Variants in LRMDA observed in about 807,000 individuals in gnomAD.
LRMDA encodes the protein leucine rich melanocyte differentiation associated, also known as leucine-rich melanocyte differentiation-associated protein.
A neutral mutation model predicts 29.8 loss-of-function variants in LRMDA; 18 were observed. The ratio of observed to expected loss-of-function variants is 0.60; its 90% CI spans 0.42 to 0.90. LRMDA has a LOEUF of 0.90. Among genes scored for constraint, LRMDA ranks in the 40% least tolerant of loss-of-function variants. LRMDA has a pLI of 0.00. For missense variants in LRMDA, 273 were observed against 273.9 expected, an observed-to-expected ratio of 1.00 and a Z score of 0.02; for synonymous variants, 125 against 109.4, an observed-to-expected ratio of 1.14 and a Z score of -0.89.
At chr10:76,052,419 GA>G (rs1848544730) in intron 4 of LRMDA, among the ~76,000 whole-genome samples, 1 of 151,922 alleles carries the variant, frequency 6.6e-6, no homozygotes, top group South Asian at 2.1e-4. Flanking sequence ...TGTTCCTGGG[GA>G]GCAGCCATTG....
At chr10:76,457,941 C>T (rs1024918576) in intron 6 of LRMDA, among the ~76,000 whole-genome samples, 2 of 151,998 alleles carry the variant, frequency 1.3e-5, no homozygotes, top group African/African-American at 4.8e-5. Flanking sequence ...GATAAATATT[C>T]TAGACTTAAT....
At chr10:75,493,353 GTGTGTGTGTGT>G (rs1564785197) in intron 2 of LRMDA, among the ~76,000 whole-genome samples, 1 of 147,822 alleles carries the variant, frequency 6.8e-6, no homozygotes, top group Non-Finnish European at 1.5e-5. Context: ...GATTGGGTGT[GTGTGTGTGTGT>G]GTGTGTGTGT....
intron 5 of LRMDA, among the ~76,000 whole-genome samples, chr10:76,209,260 T>G (rs892601525): frequency 6.6e-6 from 1 of 152,188 alleles, no homozygotes; most frequent in Non-Finnish European, 1.5e-5. Flanking sequence ...TGTGCTTCCG[T>G]GCCTCTGAGC....
chr10:76,487,647 C>A (rs1589212343), intron 6 of LRMDA, among the ~76,000 whole-genome samples: 1 of 151,782 alleles, frequency 6.6e-6, no homozygotes, highest in East Asian at 1.9e-4. Context: ...GACACACCTT[C>A]CAAGAATTTA....
chr10:76,058,664 A>G lies in LRMDA; in HGVS notation c.399-2A>G, dbSNP rs1231532626. On this transcript the variant is annotated splice_acceptor_variant, in intron 4 of 6. Coordinates refer to ENST00000611255, the MANE Select transcript of LRMDA (RefSeq NM_001305581.2). LOFTEE classifies it high-confidence loss of function. ...GAGTTGTCTCTGACTCTTATCTTCC[A>G]GATGCTTTGTTCTGTACAAGCTGCC... 1.2e-6 allele frequency: 2 copies of G among 1,611,036 alleles called. No individual in the cohort carries two copies. Among genetic ancestry groups the G allele is most frequent in the African/African-American group, 2.7e-5 (2 of 74,868 alleles).
intron 6 of LRMDA, among the ~76,000 whole-genome samples, chr10:76,481,824 C>G (rs1186688592): frequency 2.6e-5 from 4 of 151,932 alleles, no homozygotes. Flanking sequence ...CATCAGCCAT[C>G]CTTACTTCTT....
At chr10:75,886,160 A>G (rs141929712) in intron 2 of LRMDA, among the ~76,000 whole-genome samples, 265 of 152,306 alleles carry the variant, frequency 1.7e-3, no homozygotes, top group African/African-American at 5.7e-3. Flanking sequence ...TCTAGTTGAC[A>G]TTGGTCTGCA....
At chr10:76,462,639 G>T (rs1842524953) in intron 6 of LRMDA, among the ~76,000 whole-genome samples, 1 of 152,154 alleles carries the variant, frequency 6.6e-6, no homozygotes, top group African/African-American at 2.4e-5. Flanking sequence ...ATCTTTGCCT[G>T]TGCTGAGTGG....
chr10:75,967,697 A>G (rs554393832), intron 2 of LRMDA, among the ~76,000 whole-genome samples: 1 of 152,140 alleles, frequency 6.6e-6, no homozygotes, highest in Non-Finnish European at 1.5e-5. Context: ...CGAAATGGCT[A>G]AGCAGCCCAA....
intron 2 of LRMDA, among the ~76,000 whole-genome samples, chr10:75,741,983 G>A (rs954318752): frequency 6.6e-6 from 1 of 152,166 alleles, no homozygotes; most frequent in Non-Finnish European, 1.5e-5. Context: ...ACAGTTATCA[G>A]CAACCTAGAA....
intron 2 of LRMDA, among the ~76,000 whole-genome samples, chr10:75,838,074 TA>T (rs1416262190): frequency 6.6e-6 from 1 of 152,156 alleles, no homozygotes; most frequent in Non-Finnish European, 1.5e-5. Flanking sequence ...TAAAGAAGGT[TA>T]GGGGCAGGAA....
intron 2 of LRMDA, among the ~76,000 whole-genome samples, chr10:75,956,111 C>G (rs1846659375): frequency 6.6e-6 from 1 of 152,118 alleles, no homozygotes; most frequent in Non-Finnish European, 1.5e-5. Context: ...ACTGCAGTCA[C>G]CTGAAGGCTT....
chr10:76,102,434 G>A (rs1849408702), intron 5 of LRMDA, among the ~76,000 whole-genome samples: 1 of 152,050 alleles, frequency 6.6e-6, no homozygotes, highest in Non-Finnish European at 1.5e-5. Flanking sequence ...CCCTCTTAGT[G>A]TTTGCGAATT....
At chr10:75,763,051 T>G (rs1159477397) in intron 2 of LRMDA, among the ~76,000 whole-genome samples, 1 of 152,230 alleles carries the variant, frequency 6.6e-6, no homozygotes, top group Non-Finnish European at 1.5e-5. Context: ...ATCCCTTTTT[T>G]CATGTCTATC....
intron 2 of LRMDA, among the ~76,000 whole-genome samples, chr10:75,707,902 C>T (rs1842389538): frequency 6.6e-6 from 1 of 152,138 alleles, no homozygotes; most frequent in Admixed American, 6.5e-5. Context: ...TTCATTCGGC[C>T]ACTTTGCTGC....
intron 6 of LRMDA, among the ~76,000 whole-genome samples, chr10:76,452,950 CA>C (rs1211625579): frequency 6.6e-6 from 1 of 152,132 alleles, no homozygotes; most frequent in East Asian, 1.9e-4. Context: ...TTTGTGTGAA[CA>C]GGGTCTGGAC....
chr10:75,801,861 A>T (rs1843748678), intron 2 of LRMDA, among the ~76,000 whole-genome samples: 1 of 152,220 alleles, frequency 6.6e-6, no homozygotes, highest in African/African-American at 2.4e-5. Flanking sequence ...GGCAGTTATG[A>T]CTGGTAAGAG....
At chr10:75,550,313 G>T (rs1361064114) in intron 2 of LRMDA, among the ~76,000 whole-genome samples, 1 of 151,816 alleles carries the variant, frequency 6.6e-6, no homozygotes. Flanking sequence ...TATTCTTCCT[G>T]GTTTTTGTCT....
intron 2 of LRMDA, among the ~76,000 whole-genome samples, chr10:75,731,270 C>G (rs1423660680): frequency 6.6e-6 from 1 of 152,218 alleles, no homozygotes; most frequent in Non-Finnish European, 1.5e-5. Flanking sequence ...AAGGACAACA[C>G]CTGCCTTTGA....
Sources: allele counts gnomAD v4.1 joint callset (sites outside exome capture counted in the v4.1 genomes callset), GRCh38; gene constraint gnomAD v4.1.1; transcripts MANE v1.5; gene names NCBI Gene and HGNC (gene_info 2026-07-23, HGNC 2026-07-21).